Variants in SEMA6D observed in about 807,000 individuals in gnomAD.
SEMA6D encodes semaphorin-6D.
SEMA6D carries 35 observed loss-of-function variants against 106.6 expected under a neutral mutation model. The observed-to-expected ratio is 0.33, with a 90% CI of 0.25 to 0.44. The LOEUF (loss-of-function observed/expected upper bound fraction) is 0.44. SEMA6D is among the 20% of genes least tolerant of loss of function. The pLI is 1.00. For missense variants in SEMA6D, 1,185 were observed against 1,345.9 expected (o/e 0.88, Z 1.87); for synonymous variants, 499 against 487.7 (o/e 1.02, Z -0.31).
intron 1 of SEMA6D, among the ~76,000 whole-genome samples, chr15:47,187,847 A>C (rs966968225): frequency 1.3e-5 from 2 of 152,140 alleles, no homozygotes; most frequent in Non-Finnish European, 2.9e-5. Flanking sequence ...AACAACTTTT[A>C]TTAAACCTGG....
chr15:47,267,493 C>T (rs2034372964), intron 1 of SEMA6D, among the ~76,000 whole-genome samples: 3 of 151,876 alleles, frequency 2.0e-5, no homozygotes, highest in African/African-American at 7.3e-5. Context: ...GTACATTTCC[C>T]ATATGTCTCT....
At chr15:47,378,317 G>GA (rs1216647335) in intron 1 of SEMA6D, among the ~76,000 whole-genome samples, 3 of 152,124 alleles carry the variant, frequency 2.0e-5, no homozygotes, top group African/African-American at 7.2e-5. Context: ...CTAACATGGA[G>GA]AAACCCCATC....
chr15:47,716,171 TA>T (rs2079110634), upstream of SEMA6D, among the ~76,000 whole-genome samples: 1 of 152,190 alleles, frequency 6.6e-6, no homozygotes, highest in South Asian at 2.1e-4. Context: ...TCTTTTCTTC[TA>T]ATTGGAAGAA....
intron 3 of SEMA6D, among the ~76,000 whole-genome samples, chr15:47,556,913 C>T (rs936657586): frequency 1.3e-5 from 2 of 152,110 alleles, no homozygotes; most frequent in African/African-American, 4.8e-5. Context: ...CAATTTCTCT[C>T]TTATTGCTGT....
At chr15:47,322,756 T>C (rs1207883463) in intron 1 of SEMA6D, among the ~76,000 whole-genome samples, 6 of 152,186 alleles carry the variant, frequency 3.9e-5, no homozygotes, top group Admixed American at 3.9e-4. Context: ...GTGATTTTAG[T>C]GTTAATTGGT....
chr15:47,619,242 C>T (rs2077058630), intron 4 of SEMA6D, among the ~76,000 whole-genome samples: 2 of 152,198 alleles, frequency 1.3e-5, no homozygotes, highest in Admixed American at 1.3e-4. Context: ...GGGAATTAGG[C>T]TCCTCACTTG....
intron 1 of SEMA6D, among the ~76,000 whole-genome samples, chr15:47,405,632 G>C (rs1671306208): frequency 6.6e-6 from 1 of 152,102 alleles, no homozygotes; most frequent in Admixed American, 6.6e-5. Context: ...TGCTTCCTTT[G>C]TTTTCTGCTT....
At chr15:47,348,704 C>T (rs1184807115) in intron 1 of SEMA6D, among the ~76,000 whole-genome samples, 1 of 102,020 alleles carries the variant, frequency 9.8e-6, no homozygotes, top group African/African-American at 4.5e-5. Flanking sequence ...CACACACACA[C>T]ACACACACAC....
At chr15:47,546,017 T>A (rs946234666) in intron 3 of SEMA6D, among the ~76,000 whole-genome samples, 1 of 152,052 alleles carries the variant, frequency 6.6e-6, no homozygotes, top group African/African-American at 2.4e-5. Context: ...CTCACACCAA[T>A]AGCTACTCAC....
chr15:47,214,445 G>A lies in SEMA6D; in HGVS notation c.-239+30027G>A, dbSNP rs934024690. 1.4e-4 allele frequency among the ~76,000 whole-genome samples: 22 copies of A among 152,318 alleles called. No individual in the cohort carries two copies. In the South Asian group the frequency reaches 2.1e-3, roughly 14 times the overall value. ...CACACAAAGACATCTCTGAAGGTCA[G>A]GAAGTAATATAATAATGCTAACAGC... is the stretch of plus-strand genomic sequence containing the variant. On this transcript the variant is annotated intron_variant, in intron 1 of 19. Coordinates refer to the SEMA6D transcript ENST00000558014.
At chr15:47,642,115 T>C (rs1040134087) in intron 4 of SEMA6D, among the ~76,000 whole-genome samples, 2 of 152,234 alleles carry the variant, frequency 1.3e-5, no homozygotes, top group Non-Finnish European at 2.9e-5. Flanking sequence ...TTAATGATAA[T>C]GACAGCATCA....
chr15:47,473,438 C>T (rs559242012), intron 3 of SEMA6D, among the ~76,000 whole-genome samples: 1 of 152,232 alleles, frequency 6.6e-6, no homozygotes, highest in South Asian at 2.1e-4. Context: ...AAGTCATCTA[C>T]ATCACCTGTC....
chr15:47,324,170 C>A (rs1327981843), intron 1 of SEMA6D, among the ~76,000 whole-genome samples: 1 of 152,180 alleles, frequency 6.6e-6, no homozygotes, highest in African/African-American at 2.4e-5. Context: ...AAAGACCAAA[C>A]AAATGCAGTC....
intron 1 of SEMA6D, among the ~76,000 whole-genome samples, chr15:47,392,882 C>T (rs114214530): frequency 0.016 from 2,370 of 152,262 alleles, 68 homozygotes; most frequent in African/African-American, 0.054. Flanking sequence ...TGCCATTGGC[C>T]ATTCAGATAG....
intron 1 of SEMA6D, among the ~76,000 whole-genome samples, chr15:47,238,138 A>G (rs1203439025): frequency 6.6e-6 from 1 of 152,120 alleles, no homozygotes; most frequent in East Asian, 1.9e-4. Context: ...ATTTTGCCAA[A>G]CAGTAAATAA....
intron 1 of SEMA6D, among the ~76,000 whole-genome samples, chr15:47,246,722 T>A (rs1218268496): frequency 6.6e-6 from 1 of 152,206 alleles, no homozygotes; most frequent in African/African-American, 2.4e-5. Flanking sequence ...TCCACCCAGA[T>A]AATCTAGAAT....
chr15:47,323,557 G>A (rs1286543636), intron 1 of SEMA6D, among the ~76,000 whole-genome samples: 3 of 152,124 alleles, frequency 2.0e-5, no homozygotes, highest in Non-Finnish European at 2.9e-5. Context: ...GGAACCAGTC[G>A]AGAGAGAAAG....
chr15:47,455,913 AT>A (rs2042332332), intron 2 of SEMA6D, among the ~76,000 whole-genome samples: 1 of 151,806 alleles, frequency 6.6e-6, no homozygotes, highest in African/African-American at 2.4e-5. Flanking sequence ...CACTTTATTG[AT>A]TTTTTTAAAG....
chr15:47,326,845 A>C (rs1170358327), intron 1 of SEMA6D, among the ~76,000 whole-genome samples: 1 of 152,154 alleles, frequency 6.6e-6, no homozygotes, highest in Non-Finnish European at 1.5e-5. Context: ...AAGCCTGGTT[A>C]CTCACATGAC....
Sources: allele counts gnomAD v4.1 joint callset (sites outside exome capture counted in the v4.1 genomes callset), GRCh38; gene constraint gnomAD v4.1.1; transcripts MANE v1.5; gene names NCBI Gene and HGNC (gene_info 2026-07-23, HGNC 2026-07-21).